Variants in VDR observed in about 807,000 individuals in gnomAD.
The protein encoded by VDR is vitamin D3 receptor.
In VDR, 19 loss-of-function variants were observed where a neutral mutation model predicts 39.7. The ratio of observed to expected loss-of-function variants is 0.48; its 90% CI spans 0.33 to 0.70. VDR has a LOEUF of 0.70. Among genes scored for constraint, VDR ranks in the 30% least tolerant of loss-of-function variants. The pLI is 0.02. For synonymous variants in VDR, 242 were observed against 215.8 expected, an observed-to-expected ratio of 1.12 and a Z score of -1.07; for missense variants, 442 against 570.5, an observed-to-expected ratio of 0.77 and a Z score of 2.29.
chr12:47,878,259 C>T (rs1223555137), intron 3 of VDR, among the ~76,000 whole-genome samples: 1 of 152,170 alleles, frequency 6.6e-6, no homozygotes, highest in Non-Finnish European at 1.5e-5. Flanking sequence ...TCTCATGATT[C>T]CCAGTTCCTG....
At position 47,844,603 on chromosome 12, in the gene VDR, G is replaced by C; in HGVS notation, c.*143C>G. On this transcript the variant is annotated 3_prime_UTR_variant, in exon 10 of 10. Transcript: ENST00000549336. ...GTTAGGTTGGACAGGAGAGAGAATG[G>C]GCTGGGTGGATAGGGGAGGTGGCAG... 8.8e-7 allele frequency: 1 copy of C among 1,140,522 alleles called. No individual in the cohort carries two copies. The highest frequency in any genetic ancestry group is 1.3e-6 in the Non-Finnish European group (1 of 793,530). 70.7% of individuals were successfully genotyped at this position (1,140,522 alleles called of 1,614,324 possible). A position where few individuals can be genotyped will look rare whatever the true frequency, so the allele number is the denominator to read the frequency against.
intron 1 of VDR, 27 bp downstream of exon 1, chr12:47,904,928 C>G: frequency 4.4e-6 from 1 of 229,550 alleles, no homozygotes. Context: ...CCTGAGACCC[C>G]CTTTCCCGCT....
intron 3 of VDR, among the ~76,000 whole-genome samples, chr12:47,875,581 T>G (rs1328476303): frequency 6.6e-6 from 1 of 152,180 alleles, no homozygotes; most frequent in Non-Finnish European, 1.5e-5. Context: ...AAAATTTGGA[T>G]GAAGCAAAGA....
chr12:47,854,961 G>C (rs1277071226), intron 7 of VDR, among the ~76,000 whole-genome samples: 1 of 152,270 alleles, frequency 6.6e-6, no homozygotes, highest in African/African-American at 2.4e-5. Context: ...GGGAGGCTGA[G>C]GTGGGTGGAT....
At position 47,857,588 on chromosome 12, in the gene VDR, C is replaced by T. The variant is rs750463882; in HGVS notation, c.378G>A (p.Glu126=). ...LKDSLRPKLS[E]EQQRIIAILL... ...GTATGGCAATGATGCGCTGCTGCTC[C>T]TCAGACAGCTTGGGCCGCAGACTGT... Residue 126 remains glutamate (E), a synonymous_variant, in exon 5 of 10, where the codon GAG becomes GAA. Coordinates refer to ENST00000549336, the MANE Select transcript of VDR (RefSeq NM_000376.3). The T allele has an allele frequency of 6.2e-7, 1 of 1,614,228 alleles. No homozygotes were observed. Among genetic ancestry groups the T allele is most frequent in the South Asian group, 1.1e-5 (1 of 91,088 alleles).
intron 1 of VDR, among the ~76,000 whole-genome samples, chr12:47,902,604 G>A (rs1946586919): frequency 6.6e-6 from 1 of 152,180 alleles, no homozygotes; most frequent in African/African-American, 2.4e-5. Flanking sequence ...ATGGAAGCTG[G>A]AGCCCTGTAA....
At position 47,843,289 on chromosome 12, in the gene VDR, T is replaced by G. The variant is rs1438927772; in HGVS notation, c.*1457A>C. ...CGGATGCAGGTGCAAGGACACAGCT[T>G]CCAGGAGTTGGGGCAGTCACGTTCC... On this transcript the variant is annotated 3_prime_UTR_variant, in exon 10 of 10. Coordinates refer to ENST00000549336, the MANE Select transcript of VDR (RefSeq NM_000376.3). 6.6e-6 allele frequency: 1 copy of G among 152,228 alleles called. No individual in the cohort carries two copies. The highest frequency in any genetic ancestry group is 1.5e-5 in the Non-Finnish European group (1 of 68,012). 9.4% of individuals were successfully genotyped at this position (152,228 alleles called of 1,614,324 possible).
intron 1 of VDR, among the ~76,000 whole-genome samples, chr12:47,894,930 GC>G: frequency 6.6e-6 from 1 of 152,338 alleles, no homozygotes; most frequent in East Asian, 1.9e-4. Context: ...GACAGGGAAG[GC>G]CCGCGGGAGC....
At chr12:47,873,346 G>GTTTTTTTT (rs1945924855) in intron 3 of VDR, among the ~76,000 whole-genome samples, 5 of 80,526 alleles carry the variant, frequency 6.2e-5, no homozygotes, top group Admixed American at 1.6e-4. Flanking sequence ...AATTAAACCT[G>GTTTTTTTT]TTTTCTTTTT....
At chr12:47,888,612 C>T (rs1946305264) in intron 1 of VDR, among the ~76,000 whole-genome samples, 1 of 152,206 alleles carries the variant, frequency 6.6e-6, no homozygotes. Flanking sequence ...AACAGGCAGG[C>T]TATGCCCGTC....
intron 4 of VDR, among the ~76,000 whole-genome samples, chr12:47,858,363 G>C (rs761691156): frequency 2.7e-4 from 41 of 152,222 alleles, no homozygotes; most frequent in Non-Finnish European, 4.6e-4. Context: ...GTGGAATATA[G>C]AAAGACTAGA....
At chr12:47,878,516 C>T (rs1244023576) in intron 3 of VDR, among the ~76,000 whole-genome samples, 1 of 152,236 alleles carries the variant, frequency 6.6e-6, no homozygotes, top group Non-Finnish European at 1.5e-5. Flanking sequence ...GATGACCCGA[C>T]AAGAGGTGCC....
chr12:47,900,812 T>G (rs1052774956), intron 1 of VDR, among the ~76,000 whole-genome samples: 5 of 152,154 alleles, frequency 3.3e-5, no homozygotes, highest in African/African-American at 1.2e-4. Context: ...AGGAACCAAC[T>G]GCCGAGTCTG....
intron 4 of VDR, among the ~76,000 whole-genome samples, chr12:47,863,913 T>G (rs1408964125): frequency 6.6e-6 from 1 of 152,202 alleles, no homozygotes; most frequent in African/African-American, 2.4e-5. Context: ...AAATTTGCTA[T>G]CCTCTAAGCC....
At chr12:47,860,746 G>A (rs1406313514) in intron 4 of VDR, among the ~76,000 whole-genome samples, 2 of 152,114 alleles carry the variant, frequency 1.3e-5, no homozygotes, top group African/African-American at 4.8e-5. Context: ...CCACCTCCCT[G>A]TTAAACTATG....
intron 3 of VDR, 23 bp downstream of exon 3, chr12:47,878,945 G>A (rs1431230252): frequency 1.2e-6 from 2 of 1,614,094 alleles, no homozygotes; most frequent in East Asian, 4.5e-5. Flanking sequence ...TTCCACTGGG[G>A]AGAGCCTGGG....
chr12:47,865,699 C>T (rs1945718050), intron 3 of VDR, among the ~76,000 whole-genome samples: 3 of 150,298 alleles, frequency 2.0e-5, no homozygotes, highest in Admixed American at 6.7e-5. Context: ...AGGTGTGAGC[C>T]ACTGCACTCC....
At chr12:47,865,714 C>CT (rs34900299) in intron 3 of VDR, among the ~76,000 whole-genome samples, 8,701 of 106,332 alleles carry the variant, frequency 0.082, 475 homozygotes, top group African/African-American at 0.11. Flanking sequence ...CACTCCGACT[C>CT]TTTTTTTTTT....
At chr12:47,893,877 G>A (rs1946415591) in intron 1 of VDR, among the ~76,000 whole-genome samples, 1 of 152,232 alleles carries the variant, frequency 6.6e-6, no homozygotes, top group Non-Finnish European at 1.5e-5. Context: ...CAAACTCACT[G>A]CTGGCCAACA....
Sources: allele counts gnomAD v4.1 joint callset (sites outside exome capture counted in the v4.1 genomes callset), GRCh38; gene constraint gnomAD v4.1.1; transcripts MANE v1.5; gene names NCBI Gene and HGNC (gene_info 2026-07-23, HGNC 2026-07-21).